DYNC2I1: variants seen among roughly 807,000 people sequenced by gnomAD.
DYNC2I1 encodes cytoplasmic dynein 2 intermediate chain 1.
A neutral mutation model predicts 133.4 loss-of-function variants in DYNC2I1; 89 were observed. The observed-to-expected ratio is 0.67, with a 90% CI of 0.56 to 0.80. The LOEUF is 0.80. Ranked by LOEUF, DYNC2I1 falls within the 30% of genes least tolerant of loss-of-function variation. The probability of loss-of-function intolerance (pLI) is 0.00; values close to 1 mark genes in which losing one functional copy is unlikely to be tolerated. For synonymous variants in DYNC2I1, 504 were observed against 484.3 expected (o/e 1.04, Z -0.54); for missense variants, 1,291 against 1,314.5 (o/e 0.98, Z 0.28).
chr7:158,887,313 T>C, intron 7 of DYNC2I1, among the ~76,000 whole-genome samples: 1 of 152,236 alleles, frequency 6.6e-6, no homozygotes, highest in East Asian at 1.9e-4. Flanking sequence ...ATGAGAGGGC[T>C]GGATTGGCTA....
In DYNC2I1 at chr7:158,942,119, T is replaced by C. The variant is rs998659617; in HGVS notation, c.2973T>C (p.Pro991=). Residue 991 remains proline, a synonymous_variant, in exon 24 of 25, where the codon CCT becomes CCC. Coordinates refer to ENST00000407559, the MANE Select transcript of DYNC2I1 (RefSeq NM_018051.5). ...IWDLLQSDLG[P]VAKQQVSPNR... ...ACCTCCTCCAGAGCGATCTGGGTCC[T>C]GTCGCCAAACAGCAGGTCTCCCCCA... 2.0e-5 allele frequency: 32 copies of C among 1,571,546 alleles called. No homozygotes were observed. The highest frequency in any genetic ancestry group is 2.6e-5 in the Non-Finnish European group (30 of 1,155,522).
At chr7:158,857,810 T>A (rs921207694) in intron 1 of DYNC2I1, among the ~76,000 whole-genome samples, 17 of 123,562 alleles carry the variant, frequency 1.4e-4, no homozygotes, top group African/African-American at 5.1e-4. Context: ...TTTTTTTTTT[T>A]AAAGATAATT....
At chr7:158,947,868 C>A (rs1234392901), downstream of DYNC2I1, among the ~76,000 whole-genome samples, 2 of 152,236 alleles carry the variant, frequency 1.3e-5, no homozygotes, top group Non-Finnish European at 2.9e-5. Context: ...CGGCTTCTGC[C>A]CTGTGGCTGG....
At chr7:158,943,582 G>A (rs916473900) in intron 24 of DYNC2I1, among the ~76,000 whole-genome samples, 2 of 152,212 alleles carry the variant, frequency 1.3e-5, no homozygotes, top group Non-Finnish European at 2.9e-5. Flanking sequence ...CTGGGCAGGG[G>A]CGGGTAGCAC....
At chr7:158,890,845 A>G (rs1373894208) in intron 7 of DYNC2I1, among the ~76,000 whole-genome samples, 1 of 152,116 alleles carries the variant, frequency 6.6e-6, no homozygotes, top group African/African-American at 2.4e-5. Context: ...GAGTGCTAGT[A>G]TTAGAGGCGT....
intron 1 of DYNC2I1, among the ~76,000 whole-genome samples, chr7:158,864,163 A>T (rs958496553): frequency 5.3e-5 from 8 of 151,846 alleles, no homozygotes; most frequent in African/African-American, 1.9e-4. Flanking sequence ...GTGGCGGGGA[A>T]TGAGACGTGA....
At chr7:158,842,227 C>T in the DYNC2I1 span, among the ~76,000 whole-genome samples, 1 of 152,262 alleles carries the variant, frequency 6.6e-6, no homozygotes, top group African/African-American at 2.4e-5. Flanking sequence ...TGGGGTTTCA[C>T]CATATTGGTC....
At chr7:158,866,363 T>G (rs1217233932) in intron 1 of DYNC2I1, among the ~76,000 whole-genome samples, 3 of 151,308 alleles carry the variant, frequency 2.0e-5, no homozygotes, top group Admixed American at 1.3e-4. Context: ...GGACTGTCCC[T>G]GAGTGTCCTG....
chr7:158,945,383 A>G lies in DYNC2I1; in HGVS notation c.3003-198A>G, dbSNP rs1851779604. On this transcript the variant is annotated intron_variant, in intron 24 of 24. Transcript: ENST00000407559. This position sits in a 1 kb window ranked among gnomAD's most constrained non-coding sequence, Gnocchi z 4.1. Reference sequence around the variant, plus strand: ...TCATCACTTACCTCTGCGAAGTTCCATCTGGCAGGCCTCTGACATGCGGAA... The same window carrying G: ...TCATCACTTACCTCTGCGAAGTTCCGTCTGGCAGGCCTCTGACATGCGGAA... Among the ~76,000 whole-genome samples the G allele has an allele frequency of 6.6e-6, 1 of 152,148 alleles. No individual in the cohort carries two copies. Among genetic ancestry groups the G allele is most frequent in the Admixed American group, 6.5e-5 (1 of 15,278 alleles).
intron 8 of DYNC2I1, among the ~76,000 whole-genome samples, chr7:158,898,345 C>G (rs538588567): frequency 2.8e-4 from 43 of 152,278 alleles, no homozygotes; most frequent in Middle Eastern, 3.4e-3. Context: ...TTGAAGTCTC[C>G]AGCTGTAATA....
At chr7:158,878,449 T>G (rs1428312054) in intron 4 of DYNC2I1, among the ~76,000 whole-genome samples, 5 of 21,836 alleles carry the variant, frequency 2.3e-4, no homozygotes, top group Non-Finnish European at 3.6e-4. Flanking sequence ...CCATGTGGGG[T>G]GGCCAGGAGG....
rs774639612 is a variant in DYNC2I1, at chr7:158,942,085, A to T, written c.2939A>T (p.Tyr980Phe). The change falls in exon 24 of 25, where the codon TAC (tyrosine) becomes TTC (phenylalanine). Residue 980 changes from tyrosine to phenylalanine, a missense_variant. Transcript: ENST00000407559. The stretch of plus-strand genomic sequence containing the variant: ...GTGCAGGACGACACATCCAACATCT[A>T]CATCTGGGACCTCCTCCAGAGCGAT... Reference protein sequence around the residue: ...FLVQDDTSNIYIWDLLQSDLG... With the variant: ...FLVQDDTSNIFIWDLLQSDLG... 7 of 1,608,994 alleles carry T rather than the reference A, an allele frequency of 4.4e-6. No homozygotes were observed. In the African/African-American group the frequency reaches 9.4e-5, roughly 21 times the overall value.
intron 5 of DYNC2I1, among the ~76,000 whole-genome samples, chr7:158,883,793 A>G (rs1035004123): frequency 6.8e-6 from 1 of 147,118 alleles, no homozygotes; most frequent in African/African-American, 2.5e-5. Flanking sequence ...CCTCCCGAGT[A>G]GCTGGGACTA....
At chr7:158,873,820 G>A (rs763815276) in intron 3 of DYNC2I1, among the ~76,000 whole-genome samples, 8 of 150,836 alleles carry the variant, frequency 5.3e-5, no homozygotes, top group African/African-American at 1.7e-4. Flanking sequence ...GAAGAGGCGC[G>A]ATCTCGGCCC....
chr7:158,948,028 C>A (rs1368387438), downstream of DYNC2I1, among the ~76,000 whole-genome samples: 1 of 152,226 alleles, frequency 6.6e-6, no homozygotes, highest in Non-Finnish European at 1.5e-5. Context: ...TCAGCCTCAC[C>A]CCCAGGGAGG....
chr7:158,855,939 C>CTTTT (rs71200072), upstream of DYNC2I1, among the ~76,000 whole-genome samples: 14 of 119,286 alleles, frequency 1.2e-4, no homozygotes, highest in East Asian at 5.3e-4. Flanking sequence ...AAGCTCTTTT[C>CTTTT]TTTTTTTTTT....
rs116422669 is a variant in DYNC2I1, at chr7:158,922,952, A to C, written c.2094+403A>C. Among the ~76,000 whole-genome samples the C allele has an allele frequency of 7.2e-3, 1,096 of 152,204 alleles. 13 individuals are homozygous for C. Among genetic ancestry groups the C allele is most frequent in the African/African-American group, 0.025 (1,038 of 41,508 alleles). On this transcript the variant is annotated intron_variant, in intron 16 of 24. Coordinates refer to ENST00000407559, the MANE Select transcript of DYNC2I1 (RefSeq NM_018051.5). Reference sequence around the variant, plus strand: ...ACTGCGTGGAGGTTTCTTAGACTGCATGGAGGTTTCTTCAACTGCACTGAG... The same window carrying C: ...ACTGCGTGGAGGTTTCTTAGACTGCCTGGAGGTTTCTTCAACTGCACTGAG...
chr7:158,843,258 C>A, the DYNC2I1 span, among the ~76,000 whole-genome samples: 20 of 151,750 alleles, frequency 1.3e-4, no homozygotes, highest in Non-Finnish European at 2.4e-4. Flanking sequence ...CCATGCCCGG[C>A]CAGTTTTTTT....
In DYNC2I1 at chr7:158,875,592, C is replaced by T. The variant is rs78416562; in HGVS notation, c.491-1017C>T. ...GTACCTGCCTGGCTCTGTTTGCCCC[C>T]GGTCTCTCTTGCAGGTCATACTGGG... On this transcript the variant is annotated intron_variant, in intron 3 of 24. Transcript: ENST00000407559. 4.9e-4 allele frequency among the ~76,000 whole-genome samples: 74 copies of T among 152,306 alleles called. 2 individuals carry two copies. The East Asian group carries it at 0.011, about 23-fold the overall frequency.
Sources: gnomAD v4.1 joint callset for allele counts (sites outside exome capture counted in the v4.1 genomes callset) on GRCh38, gnomAD v4.1.1 for gene constraint, Gnocchi (gnomAD v3.1) non-coding constraint, MANE v1.5 for transcripts, NCBI Gene and HGNC (gene_info 2026-07-23, HGNC 2026-07-21) for gene names.